The following AARS1 variants were observed in gnomAD, a reference collection of about 807,000 sequenced individuals.
The protein encoded by AARS1 is alanyl-tRNA synthetase 1, also known as alanine--tRNA ligase, cytoplasmic.
AARS1 carries 72 observed loss-of-function variants against 108.9 expected under a neutral mutation model. The ratio of observed to expected loss-of-function variants is 0.66; its 90% confidence interval spans 0.55 to 0.80. The LOEUF is 0.80. AARS1 is among the 30% of genes least tolerant of loss of function. AARS1 has a pLI of 0.00. For synonymous variants in AARS1, 489 were observed against 465.7 expected, an observed-to-expected ratio of 1.05 and a Z score of -0.64; for missense variants, 1,193 against 1,233.2, an observed-to-expected ratio of 0.97 and a Z score of 0.49.
Position 70,267,690 on chromosome 16 carries a change from A to T in AARS1, c.1191T>A (p.Ile397=). 6.2e-7 allele frequency: 1 copy of T among 1,614,134 alleles called. No homozygotes were observed. Among genetic ancestry groups the T allele is most frequent in the South Asian group, 1.1e-5 (1 of 91,086 alleles). Residue 397 remains isoleucine (I), a synonymous_variant, in exon 9 of 21, where the codon ATT becomes ATA. Transcript: ENST00000261772. ...TGGTCTTGCTGTCTCCCAGGCTCTG[A>T]ATTTTCCTGTCCAGGATGCGACGCC... is the stretch of plus-strand genomic sequence containing the variant. The part of the protein sequence containing the change: ...SRGRRILDRK[I]QSLGDSKTIP...
chr16:70,263,543 C>T (rs1302559190), intron 11 of AARS1, among the ~76,000 whole-genome samples: 1 of 151,610 alleles, frequency 6.6e-6, no homozygotes, highest in Admixed American at 6.6e-5. Flanking sequence ...TGCACTCCAG[C>T]CTGGGTGACA....
chr16:70,267,072 G>A (rs1325888259), intron 9 of AARS1, among the ~76,000 whole-genome samples: 5 of 152,056 alleles, frequency 3.3e-5, no homozygotes, highest in East Asian at 1.9e-4. Context: ...TCATGACCTC[G>A]TGATCCGCCC....
In AARS1 at chr16:70,265,652, A is replaced by G; in HGVS notation, c.1233T>C (p.Ala411=). Reference sequence around the variant, plus strand: ...ACCCATAGGTGTCATAGAGGAGCCAAGCAGTGTCTCCTACACAGCACAAAG... The same window carrying G: ...ACCCATAGGTGTCATAGAGGAGCCAGGCAGTGTCTCCTACACAGCACAAAG... ...GDSKTIPGDT[A]WLLYDTYGFP... is the part of the protein sequence containing the mutation. Residue 411 remains alanine (A), a synonymous_variant, in exon 10 of 21, where the codon GCT becomes GCC. Coordinates refer to ENST00000261772, the MANE Select transcript of AARS1 (RefSeq NM_001605.3). The G allele has an allele frequency of 4.3e-6, 7 of 1,613,878 alleles. No homozygotes were observed. The highest frequency in any genetic ancestry group is 5.9e-6 in the Non-Finnish European group (7 of 1,179,820).
chr16:70,283,564 T>C (rs1208830813), intron 1 of AARS1, among the ~76,000 whole-genome samples: 5 of 152,000 alleles, frequency 3.3e-5, no homozygotes, highest in African/African-American at 1.2e-4. Context: ...CCATATGAGA[T>C]TATCTCTAAA....
rs1597442003 is a variant in AARS1, at chr16:70,269,761, G to C, written c.819C>G (p.Gly273=). The change falls in exon 7 of 21, where the codon GGC becomes GGG. Residue 273 remains glycine (G), a splice_region_variant and synonymous_variant. Coordinates refer to ENST00000261772, the MANE Select transcript of AARS1 (RefSeq NM_001605.3). ...FVPYFEAIQK[G]TGARPYTGKV... is the part of the protein sequence containing the mutation. ...TCCCAGTGTATGGTCGGGCACCTGT[G>C]CCCTATAGATAAGAATCAGGAGGCA... 1.9e-6 allele frequency: 3 copies of C among 1,614,094 alleles called. No homozygotes were observed. Among genetic ancestry groups the C allele is most frequent in the Non-Finnish European group, 2.5e-6 (3 of 1,180,028 alleles).
At chr16:70,270,425 G>A in intron 5 of AARS1, 85 bp from the exon 6 acceptor site, 3 of 1,562,434 alleles carry the variant, frequency 1.9e-6, no homozygotes, top group Non-Finnish European at 2.6e-6. Flanking sequence ...TTCATTTACA[G>A]AACAGTTTGC....
At chr16:70,254,349 C>T in intron 17 of AARS1, 1 of 584,268 alleles carries the variant, frequency 1.7e-6, no homozygotes, top group South Asian at 2.0e-5. Flanking sequence ...CAGGGGCCAG[C>T]CTTAGCCCAT....
intron 1 of AARS1, among the ~76,000 whole-genome samples, chr16:70,283,395 CA>C (rs756046434): frequency 7.4e-6 from 1 of 135,370 alleles, no homozygotes; most frequent in Non-Finnish European, 1.6e-5. Flanking sequence ...GACTCCGTCT[CA>C]AAAAAACAAA....
chr16:70,266,427 C>A (rs1030713079), intron 9 of AARS1, among the ~76,000 whole-genome samples: 1 of 150,540 alleles, frequency 6.6e-6, no homozygotes, highest in Non-Finnish European at 1.5e-5. Flanking sequence ...CCCTGGGAGG[C>A]GGAGCTTGCA....
chr16:70,269,682 C>G lies in AARS1; in HGVS notation c.898G>C (p.Asp300His). The change falls in exon 7 of 21, where the codon GAC (aspartate) becomes CAC (histidine). Residue 300 changes from aspartate (D) to histidine (H), a missense_variant. Coordinates refer to ENST00000261772, the MANE Select transcript of AARS1 (RefSeq NM_001605.3). The part of the protein sequence containing the change: ...GIDMAYRVLA[D>H]HARTITVALA... ...GCCACAGTGATGGTCCGAGCGTGGT[C>G]AGCCAGCACCCGGTAGGCCATGTCA... 6.2e-7 allele frequency: 1 copy of G among 1,614,182 alleles called. No individual in the cohort carries two copies. Among genetic ancestry groups the G allele is most frequent in the Non-Finnish European group, 8.5e-7 (1 of 1,180,026 alleles).
At chr16:70,264,820 G>C in intron 11 of AARS1, 138 bp downstream of exon 11, 2 of 1,029,722 alleles carry the variant, frequency 1.9e-6, no homozygotes, top group Admixed American at 2.0e-5. Context: ...GTGTATAAAA[G>C]TGCATAGCGT....
intron 2 of AARS1, among the ~76,000 whole-genome samples, chr16:70,278,094 T>C (rs1398478045): frequency 6.6e-6 from 1 of 151,924 alleles, no homozygotes; most frequent in East Asian, 1.9e-4. Context: ...TGAATTAAAA[T>C]TAGGCTGGGC....
At chr16:70,277,277 T>TAGAC (rs1960573705) in intron 2 of AARS1, 123 bp from the exon 3 acceptor site, 1 of 1,066,658 alleles carries the variant, frequency 9.4e-7, no homozygotes, top group Non-Finnish European at 1.4e-6. Flanking sequence ...GCCTGGAATA[T>TAGAC]AGACACTTGT....
intron 1 of AARS1, among the ~76,000 whole-genome samples, chr16:70,287,763 A>G (rs148091779): frequency 6.6e-6 from 1 of 152,014 alleles, no homozygotes; most frequent in East Asian, 1.9e-4. Context: ...AAACGTAAAG[A>G]CACTTTTTCT....
At chr16:70,257,359 G>T (rs1960016330) in intron 15 of AARS1, among the ~76,000 whole-genome samples, 1 of 152,138 alleles carries the variant, frequency 6.6e-6, no homozygotes, top group South Asian at 2.1e-4. Context: ...AGGTTGCAAT[G>T]AGCCGAGACT....
At position 70,255,829 on chromosome 16, in the gene AARS1, GC is replaced by G; in HGVS notation, c.2184del (p.Arg729GlyfsTer10). 1 of 1,613,174 alleles carries G rather than the reference GC, an allele frequency of 6.2e-7. No individual in the cohort carries two copies. On this transcript the variant is annotated frameshift_variant, in exon 16 of 21. Coordinates refer to ENST00000261772, the MANE Select transcript of AARS1 (RefSeq NM_001605.3). LOFTEE classifies it high-confidence loss of function. ...TSVEFCGGTHLRNSSHAGAFV... is the reference protein window; with the variant it reads ...TSVEFCGGTHXRNSSHAGAFV... Reference sequence around the variant, plus strand: ...AAAGCTCCTGCATGACTCGAGTTCCGCAGGTGCCTGAATGGCAGAACACAAA... The same window carrying G: ...AAAGCTCCTGCATGACTCGAGTTCCGAGGTGCCTGAATGGCAGAACACAAA...
At chr16:70,272,116 ACT>A (rs1219550727) in intron 4 of AARS1, 144 bp from the exon 5 acceptor site, 6 of 728,394 alleles carry the variant, frequency 8.2e-6, no homozygotes, top group Admixed American at 2.8e-5. Context: ...ACAGAGCGAG[ACT>A]CTGTCTCAAA....
Position 70,268,332 on chromosome 16 carries a change from T to C in AARS1, c.1010A>G (p.Glu337Gly). ...GAAGCCCCTGCTGGCATTGAGCTTT[T>C]CATGGGCGTATCGGACAGCTCGGCG... is the stretch of plus-strand genomic sequence containing the variant. ...ILRRAVRYAH[E>G]KLNASRGFFA... The change falls in exon 8 of 21, where the codon GAA becomes GGA. Residue 337 changes from glutamate to glycine, a missense_variant. By Grantham distance (98) the Glu-to-Gly change is moderately conservative (BLOSUM62 -2). Coordinates refer to ENST00000261772, the MANE Select transcript of AARS1 (RefSeq NM_001605.3). The C allele has an allele frequency of 6.2e-7, 1 of 1,614,198 alleles. No individual in the cohort carries two copies. The highest frequency in any genetic ancestry group is 8.5e-7 in the Non-Finnish European group (1 of 1,180,030).
chr16:70,270,073 G>A (rs1487160448), intron 6 of AARS1, 123 bp downstream of exon 6: 11 of 1,218,900 alleles, frequency 9.0e-6, no homozygotes, highest in Non-Finnish European at 1.2e-5. Context: ...AATGAAGTAG[G>A]CAGATGGAAA....
Sources: allele counts gnomAD v4.1 joint callset (sites outside exome capture counted in the v4.1 genomes callset), GRCh38; gene constraint gnomAD v4.1.1; transcripts MANE v1.5; gene names NCBI Gene and HGNC (gene_info 2026-07-23, HGNC 2026-07-21).